CD2AP: variants seen among roughly 807,000 people sequenced by gnomAD.
CD2AP encodes the protein CD2-associated protein.
CD2AP carries 46 observed loss-of-function variants against 85.1 expected under a neutral mutation model. That is an observed-to-expected ratio of 0.54 (90% CI 0.43 to 0.69). The LOEUF (loss-of-function observed/expected upper bound fraction) is 0.69, where lower values mean the gene tolerates loss of function less well. Ranked by LOEUF, CD2AP falls within the 30% of genes least tolerant of loss-of-function variation. CD2AP has a pLI of 0.00. For synonymous variants in CD2AP, 255 were observed against 252.9 expected, an observed-to-expected ratio of 1.01 and a Z score of -0.08; for missense variants, 769 against 729.5, an observed-to-expected ratio of 1.05 and a Z score of -0.62.
chr6:47,515,259 A>G (rs1766423192), intron 2 of CD2AP, among the ~76,000 whole-genome samples: 1 of 152,162 alleles, frequency 6.6e-6, no homozygotes, highest in Non-Finnish European at 1.5e-5. Context: ...GGTACAGTAT[A>G]TTTTGAAGAT....
chr6:47,485,249 G>A (rs926234894), intron 1 of CD2AP, among the ~76,000 whole-genome samples: 2 of 152,152 alleles, frequency 1.3e-5, no homozygotes, highest in Non-Finnish European at 2.9e-5. Flanking sequence ...AAAAGGCATT[G>A]TTATCGTAGG....
intron 4 of CD2AP, among the ~76,000 whole-genome samples, chr6:47,554,312 G>GT (rs1329236406): frequency 6.6e-6 from 1 of 152,140 alleles, no homozygotes; most frequent in African/African-American, 2.4e-5. Flanking sequence ...TTACAAGAGT[G>GT]ACATTCCAGA....
intron 3 of CD2AP, among the ~76,000 whole-genome samples, chr6:47,540,409 T>C (rs1767183063): frequency 6.6e-6 from 1 of 152,128 alleles, no homozygotes. Context: ...GGATTCAATA[T>C]AGGCAGTCAC....
chr6:47,534,922 G>A (rs1446383856), intron 3 of CD2AP, among the ~76,000 whole-genome samples: 2 of 68,964 alleles, frequency 2.9e-5, no homozygotes, highest in Non-Finnish European at 4.3e-5. Context: ...AGGCTACTGA[G>A]TAGCTGTGAC....
chr6:47,528,856 G>C (rs1055833319), intron 2 of CD2AP, among the ~76,000 whole-genome samples: 1 of 152,074 alleles, frequency 6.6e-6, no homozygotes, highest in Admixed American at 6.6e-5. Context: ...CAGGCTGTTT[G>C]CTTTTTTATT....
Position 47,486,940 on chromosome 6 carries a change from A to G in CD2AP, c.4+8692A>G, listed in dbSNP as rs537948300. Among the ~76,000 whole-genome samples the G allele has an allele frequency of 1.1e-4, 16 of 152,256 alleles. 1 individual carries two copies. The highest frequency in any genetic ancestry group is 5.8e-4 in the East Asian group (3 of 5,186). ...AGTTGGTCTTTTAAATGTATATACT[A>G]TTCTCTAGGGATTTTCTCATTCTTT... On this transcript the variant is annotated intron_variant, in intron 1 of 17. Coordinates refer to ENST00000359314, the MANE Select transcript of CD2AP (RefSeq NM_012120.3).
At chr6:47,605,178 C>T (rs1400134792) in intron 13 of CD2AP, among the ~76,000 whole-genome samples, 1 of 151,958 alleles carries the variant, frequency 6.6e-6, no homozygotes, top group Middle Eastern at 3.4e-3. Flanking sequence ...GACGATTAGA[C>T]CAAAGGAATC....
At chr6:47,519,876 G>C (rs1766540400) in intron 2 of CD2AP, among the ~76,000 whole-genome samples, 1 of 152,108 alleles carries the variant, frequency 6.6e-6, no homozygotes, top group Non-Finnish European at 1.5e-5. Context: ...TAGTTTTCAA[G>C]GAAGGAGAAA....
At chr6:47,614,860 T>G (rs1270727026) in intron 17 of CD2AP, among the ~76,000 whole-genome samples, 1 of 152,218 alleles carries the variant, frequency 6.6e-6, no homozygotes, top group Non-Finnish European at 1.5e-5. Context: ...GACATATGGC[T>G]GTAGATTCAC....
At chr6:47,604,190 T>C (rs1032269348) in intron 13 of CD2AP, among the ~76,000 whole-genome samples, 27 of 152,146 alleles carry the variant, frequency 1.8e-4, no homozygotes, top group African/African-American at 6.5e-4. Flanking sequence ...GCTAAATGAT[T>C]GTCGTGCCTG....
At chr6:47,485,672 A>G (rs1765551493) in intron 1 of CD2AP, among the ~76,000 whole-genome samples, 1 of 152,168 alleles carries the variant, frequency 6.6e-6, no homozygotes, top group Non-Finnish European at 1.5e-5. Context: ...CTCACCACTC[A>G]CTGACTCACC....
rs542248429 is a variant in CD2AP, at chr6:47,545,411, C to T, written c.420+705C>T. ...CCCGCCCGCACCTAATGGTCCTTTC[C>T]TACCCACCCTAGTAACTGATGACAA... On this transcript the variant is annotated intron_variant, in intron 4 of 17. Transcript: ENST00000359314. 3.9e-4 allele frequency among the ~76,000 whole-genome samples: 59 copies of T among 152,162 alleles called. No homozygotes were observed. The South Asian group carries it at 0.012, about 30-fold the overall frequency.
chr6:47,523,505 A>C, intron 2 of CD2AP, among the ~76,000 whole-genome samples: 1 of 152,176 alleles, frequency 6.6e-6, no homozygotes, highest in East Asian at 1.9e-4. Flanking sequence ...ACAATAAGTA[A>C]AAATAAAAAT....
chr6:47,531,564 G>A (rs1021765600), intron 2 of CD2AP, among the ~76,000 whole-genome samples: 1 of 150,906 alleles, frequency 6.6e-6, no homozygotes, highest in African/African-American at 2.4e-5. Flanking sequence ...CAATCCTCCT[G>A]TTCTCCATAT....
intron 1 of CD2AP, among the ~76,000 whole-genome samples, chr6:47,493,228 A>G (rs1048652206): frequency 1.3e-5 from 2 of 152,040 alleles, no homozygotes; most frequent in Admixed American, 1.3e-4. Context: ...TTCTCTGAAG[A>G]ACTTCCTTTA....
At position 47,626,286 on chromosome 6, in the gene CD2AP, A is replaced by G. The variant is rs1307598129; in HGVS notation, c.*2059A>G. 1 of 152,012 alleles carries G rather than the reference A, an allele frequency of 6.6e-6. No individual in the cohort carries two copies. The highest frequency in any genetic ancestry group is 2.4e-5 in the African/African-American group (1 of 41,448). 9.4% of individuals were successfully genotyped at this position (152,012 alleles called of 1,614,324 possible). ...ATACTTTTACCTTTCTGTCCTTGAT[A>G]AAATAGTAAAGAAAACCAAACAAAC... On this transcript the variant is annotated 3_prime_UTR_variant, in exon 18 of 18. Transcript: ENST00000359314.
chr6:47,608,935 CTAA>C (rs1423132925), intron 15 of CD2AP, among the ~76,000 whole-genome samples, 185 bp from the exon 16 acceptor site: 1 of 152,148 alleles, frequency 6.6e-6, no homozygotes, highest in African/African-American at 2.4e-5. Flanking sequence ...ACAAAAACCA[CTAA>C]TGATTACAAA....
chr6:47,604,174 G>A (rs1365938391), intron 13 of CD2AP, among the ~76,000 whole-genome samples: 1 of 152,106 alleles, frequency 6.6e-6, no homozygotes, highest in Admixed American at 6.6e-5. Flanking sequence ...CAATGTGATT[G>A]CAAAAGCTAA....
chr6:47,556,848 G>C (rs141862005), intron 5 of CD2AP, among the ~76,000 whole-genome samples: 94 of 152,092 alleles, frequency 6.2e-4, no homozygotes, highest in African/African-American at 2.2e-3. Flanking sequence ...CCAGTAATAG[G>C]ATTGCTGGGT....
Sources: gnomAD v4.1 joint callset for allele counts (sites outside exome capture counted in the v4.1 genomes callset) on GRCh38, gnomAD v4.1.1 for gene constraint, MANE v1.5 for transcripts, NCBI Gene and HGNC (gene_info 2026-07-23, HGNC 2026-07-21) for gene names.